Variants in GRIA4 observed in about 807,000 individuals in gnomAD.
GRIA4 encodes the protein glutamate ionotropic receptor AMPA type subunit 4.
A neutral mutation model predicts 104.0 loss-of-function variants in GRIA4; 34 were observed. That is an observed-to-expected ratio of 0.33 (90% CI 0.25 to 0.44). The LOEUF (loss-of-function observed/expected upper bound fraction) is 0.44. Among genes scored for constraint, GRIA4 ranks in the 20% least tolerant of loss-of-function variants. GRIA4 has a pLI of 1.00. For synonymous variants in GRIA4, 386 were observed against 381.9 expected, an observed-to-expected ratio of 1.01 and a Z score of -0.13; for missense variants, 750 against 1,096.5, an observed-to-expected ratio of 0.68 and a Z score of 4.46.
intron 3 of GRIA4, among the ~76,000 whole-genome samples, chr11:105,748,119 G>A (rs1307215938): frequency 6.6e-6 from 1 of 152,068 alleles, no homozygotes; most frequent in Non-Finnish European, 1.5e-5. Context: ...TTACATTTGG[G>A]GCAAGACTTA....
At chr11:105,935,636 C>T (rs1021038745) in intron 14 of GRIA4, among the ~76,000 whole-genome samples, 11 of 152,060 alleles carry the variant, frequency 7.2e-5, no homozygotes, top group African/African-American at 2.7e-4. Flanking sequence ...AGTGTTCAGA[C>T]TATTGATTAC....
chr11:105,634,105 T>C (rs1951112091), intron 3 of GRIA4, among the ~76,000 whole-genome samples: 1 of 151,946 alleles, frequency 6.6e-6, no homozygotes, highest in Non-Finnish European at 1.5e-5. Flanking sequence ...TCCCAGCACT[T>C]TGGGAGGCCG....
In GRIA4 at chr11:105,924,620, T is replaced by C. The variant is rs749825744; in HGVS notation, c.1698T>C (p.Ser566=). 6 of 1,612,878 alleles carry C rather than the reference T, an allele frequency of 3.7e-6. No individual in the cohort carries two copies. The highest frequency in any genetic ancestry group is 2.2e-5 in the East Asian group (1 of 44,848). ...IGVSVVLFLV[S]RFSPYEWHTE... ...TCAGCGTGGTCTTATTCCTAGTTAG[T>C]AGATTTAGTCCATATGAGTGGCACA... Residue 566 remains serine, a synonymous_variant, in exon 12 of 17, where the codon AGT becomes AGC. Transcript: ENST00000282499.
intron 3 of GRIA4, among the ~76,000 whole-genome samples, chr11:105,647,688 C>T (rs560177555): frequency 6.6e-6 from 1 of 152,254 alleles, no homozygotes; most frequent in Admixed American, 6.5e-5. Flanking sequence ...CAAACTAATG[C>T]AGGAACAGAA....
chr11:105,832,873 T>C (rs949118643), intron 4 of GRIA4, among the ~76,000 whole-genome samples: 1 of 151,978 alleles, frequency 6.6e-6, no homozygotes, highest in Non-Finnish European at 1.5e-5. Context: ...TCTCAAACAA[T>C]GAAGAAAGGT....
intron 3 of GRIA4, among the ~76,000 whole-genome samples, chr11:105,733,910 A>G (rs1938762187): frequency 6.6e-6 from 1 of 150,786 alleles, no homozygotes; most frequent in South Asian, 2.1e-4. Flanking sequence ...AGGTTACTTT[A>G]CTAGCTTCAC....
intron 14 of GRIA4, among the ~76,000 whole-genome samples, chr11:105,938,054 C>A (rs767666498): frequency 3.9e-5 from 6 of 152,214 alleles, no homozygotes; most frequent in African/African-American, 7.2e-5. Flanking sequence ...AACAAAACTA[C>A]TGGCCTCATA....
At chr11:105,781,895 G>A (rs751591073) in intron 4 of GRIA4, among the ~76,000 whole-genome samples, 6 of 152,046 alleles carry the variant, frequency 3.9e-5, no homozygotes, top group Non-Finnish European at 5.9e-5. Context: ...TTAACAAAAG[G>A]GTATTAGGCT....
chr11:105,678,914 CT>C (rs1352357500), intron 3 of GRIA4, among the ~76,000 whole-genome samples: 1 of 152,188 alleles, frequency 6.6e-6, no homozygotes, highest in East Asian at 1.9e-4. Flanking sequence ...AATTTTCCCC[CT>C]GGAAAAGGTT....
chr11:105,712,913 T>C (rs760147364), intron 3 of GRIA4, among the ~76,000 whole-genome samples: 6 of 152,062 alleles, frequency 3.9e-5, no homozygotes, highest in Non-Finnish European at 5.9e-5. Context: ...AAACCACATA[T>C]TTAATTTAAA....
At chr11:105,768,051 A>T (rs574551512) in intron 4 of GRIA4, among the ~76,000 whole-genome samples, 2 of 152,198 alleles carry the variant, frequency 1.3e-5, no homozygotes, top group East Asian at 3.9e-4. Context: ...CCAGTCACAG[A>T]TCCAAATATT....
chr11:105,661,656 G>A (rs1370838087), intron 3 of GRIA4, among the ~76,000 whole-genome samples: 3 of 145,836 alleles, frequency 2.1e-5, no homozygotes, highest in South Asian at 2.2e-4. Flanking sequence ...ATTACATCTC[G>A]ACTTTGTTTT....
At chr11:105,637,201 T>G (rs56034429) in intron 3 of GRIA4, among the ~76,000 whole-genome samples, 49,302 of 151,850 alleles carry the variant, frequency 0.32, 8,529 homozygotes, top group Admixed American at 0.46. Context: ...AGAAGCTTTG[T>G]TATCCTTAAC....
At chr11:105,789,040 G>A (rs955872116) in intron 4 of GRIA4, among the ~76,000 whole-genome samples, 1 of 152,072 alleles carries the variant, frequency 6.6e-6, no homozygotes, top group Admixed American at 6.6e-5. Flanking sequence ...GACATTCCTA[G>A]TGACACACAG....
chr11:105,867,664 A>AT (rs914281098), intron 5 of GRIA4, among the ~76,000 whole-genome samples: 2 of 152,166 alleles, frequency 1.3e-5, no homozygotes, highest in African/African-American at 4.8e-5. Flanking sequence ...CATGAGGTCA[A>AT]TTTTTTGTAC....
chr11:105,692,498 A>G (rs917774781), intron 3 of GRIA4, among the ~76,000 whole-genome samples: 2 of 152,226 alleles, frequency 1.3e-5, no homozygotes, highest in South Asian at 4.1e-4. Flanking sequence ...AAAGTGAGTA[A>G]GTCATAAGAT....
At chr11:105,937,600 G>A (rs1478718810) in intron 14 of GRIA4, among the ~76,000 whole-genome samples, 5 of 152,064 alleles carry the variant, frequency 3.3e-5, no homozygotes, top group South Asian at 2.1e-4. Flanking sequence ...TTCCTCTGGC[G>A]CTTAGAATGA....
chr11:105,648,391 T>A lies in GRIA4; in HGVS notation c.247+35957T>A, dbSNP rs544871835. On this transcript the variant is annotated intron_variant, in intron 3 of 16. Coordinates refer to ENST00000282499, the MANE Select transcript of GRIA4 (RefSeq NM_000829.4). The stretch of plus-strand genomic sequence containing the variant: ...AATTGGATATTTACACAATAATAAA[T>A]ATTCTATTTTTAAAAATTGGATAAA... 1.1e-4 allele frequency among the ~76,000 whole-genome samples: 16 copies of A among 151,506 alleles called. 1 individual carries two copies. In the South Asian group the frequency reaches 3.3e-3, roughly 31 times the overall value.
intron 14 of GRIA4, among the ~76,000 whole-genome samples, chr11:105,944,810 T>G (rs971550380): frequency 1.3e-5 from 2 of 151,882 alleles, no homozygotes; most frequent in Non-Finnish European, 1.5e-5. Context: ...CTTGTTTCTC[T>G]CCAAATTCAC....
Sources: allele counts gnomAD v4.1 joint callset (sites outside exome capture counted in the v4.1 genomes callset), GRCh38; gene constraint gnomAD v4.1.1; transcripts MANE v1.5; gene names NCBI Gene and HGNC (gene_info 2026-07-23, HGNC 2026-07-21).